The following PDE10A variants were observed in gnomAD, a reference collection of about 807,000 sequenced individuals.
The protein encoded by PDE10A is cAMP and cAMP-inhibited cGMP 3',5'-cyclic phosphodiesterase 10A.
A neutral mutation model predicts 97.7 loss-of-function variants in PDE10A; 39 were observed. The ratio of observed to expected loss-of-function variants is 0.40; its 90% CI spans 0.31 to 0.52. The LOEUF is 0.52. Ranked by LOEUF, PDE10A falls within the 20% of genes least tolerant of loss-of-function variation. PDE10A has a pLI of 0.56. For synonymous variants in PDE10A, 371 were observed against 376.8 expected (o/e 0.98, Z 0.18); for missense variants, 731 against 1,047.8 (o/e 0.70, Z 4.17).
chr6:165,357,761 A>G (rs1253841201), intron 18 of PDE10A, among the ~76,000 whole-genome samples: 1 of 151,426 alleles, frequency 6.6e-6, no homozygotes, highest in Non-Finnish European at 1.5e-5. Context: ...TTCCTTAATT[A>G]GTCAGAATTG....
intron 1 of PDE10A, among the ~76,000 whole-genome samples, chr6:165,876,118 T>C (rs566575972): frequency 1.3e-5 from 2 of 152,366 alleles, no homozygotes; most frequent in East Asian, 1.9e-4. Flanking sequence ...ATGATGCGAC[T>C]GATCCATGCC....
At chr6:165,714,882 G>C (rs1044206453) in intron 1 of PDE10A, among the ~76,000 whole-genome samples, 18 of 152,184 alleles carry the variant, frequency 1.2e-4, no homozygotes, top group African/African-American at 4.1e-4. Flanking sequence ...AATGGTCTGA[G>C]GCTCCACCAC....
chr6:165,345,591 T>C lies in PDE10A; in HGVS notation c.2784-2089A>G, dbSNP rs528644790. On this transcript the variant is annotated intron_variant, in intron 18 of 21. Transcript: ENST00000539869. ...AATAACCAATTGTGAAAGGATCATG[T>C]TCATGCTAAGCCTACTCTTGGTTTG... Among the ~76,000 whole-genome samples, 20 of 152,314 alleles carry C rather than the reference T, an allele frequency of 1.3e-4. 1 individual carries two copies. The South Asian group carries it at 3.9e-3, about 30-fold the overall frequency.
chr6:165,403,553 T>C (rs946573720), intron 13 of PDE10A, among the ~76,000 whole-genome samples: 3 of 152,214 alleles, frequency 2.0e-5, no homozygotes, highest in Non-Finnish European at 4.4e-5. Flanking sequence ...TGTTCTACTA[T>C]TATAAATTGT....
intron 5 of PDE10A, 91 bp from the exon 6 acceptor site, chr6:165,435,468 T>C: frequency 9.3e-7 from 1 of 1,072,344 alleles, no homozygotes; most frequent in Non-Finnish European, 1.3e-6. Flanking sequence ...ATAATAAATC[T>C]GTGAGCCAAT....
chr6:165,938,674 C>T (rs1217548018), intron 1 of PDE10A, among the ~76,000 whole-genome samples: 1 of 152,002 alleles, frequency 6.6e-6, no homozygotes, highest in East Asian at 1.9e-4. Flanking sequence ...TTGTCAAGTG[C>T]TTACTCAAGA....
chr6:165,585,882 G>T (rs1168956840), intron 1 of PDE10A, among the ~76,000 whole-genome samples: 1 of 152,096 alleles, frequency 6.6e-6, no homozygotes, highest in Non-Finnish European at 1.5e-5. Flanking sequence ...GGCAGCAGTC[G>T]CATCCAACAT....
intron 2 of PDE10A, among the ~76,000 whole-genome samples, chr6:165,517,645 A>T (rs1243721299): frequency 6.6e-6 from 1 of 152,204 alleles, no homozygotes; most frequent in Non-Finnish European, 1.5e-5. Context: ...ACACTGCATG[A>T]TGTCATTCAC....
At chr6:165,603,893 T>C (rs541036582) in intron 1 of PDE10A, among the ~76,000 whole-genome samples, 65 of 152,310 alleles carry the variant, frequency 4.3e-4, no homozygotes, top group African/African-American at 1.6e-3. Context: ...CACCCTCAAT[T>C]TGCTGAAGCA....
At chr6:165,546,561 A>G (rs1203088930) in intron 1 of PDE10A, among the ~76,000 whole-genome samples, 1 of 152,128 alleles carries the variant, frequency 6.6e-6, no homozygotes, top group Non-Finnish European at 1.5e-5. Context: ...GTGCTAACCT[A>G]TAGAACTTTG....
At chr6:165,367,038 T>C (rs956795359) in intron 18 of PDE10A, among the ~76,000 whole-genome samples, 6 of 152,010 alleles carry the variant, frequency 3.9e-5, no homozygotes, top group East Asian at 1.9e-4. Flanking sequence ...ACAAAACTCA[T>C]AGAAAACCCA....
intron 1 of PDE10A, among the ~76,000 whole-genome samples, chr6:165,673,663 T>G (rs377462182): frequency 6.6e-6 from 1 of 152,290 alleles, no homozygotes; most frequent in Non-Finnish European, 1.5e-5. Context: ...ATGTTTTGTT[T>G]TGAAATTTTT....
At chr6:165,664,342 A>G (rs901971285), upstream of PDE10A, among the ~76,000 whole-genome samples, 1 of 151,444 alleles carries the variant, frequency 6.6e-6, no homozygotes, top group South Asian at 2.1e-4. Context: ...GCTTTCCCCG[A>G]CTCCCATCCA....
At chr6:165,965,116 A>G (rs1401348909) in intron 1 of PDE10A, among the ~76,000 whole-genome samples, 1 of 152,194 alleles carries the variant, frequency 6.6e-6, no homozygotes, top group Non-Finnish European at 1.5e-5. Context: ...CAATATAGAG[A>G]TTGTATTTTA....
chr6:165,568,669 T>G (rs1222145788), intron 1 of PDE10A, among the ~76,000 whole-genome samples: 1 of 152,186 alleles, frequency 6.6e-6, no homozygotes, highest in Non-Finnish European at 1.5e-5. Flanking sequence ...GCAAGAATAG[T>G]GATGCTGGCA....
chr6:165,918,103 A>G (rs1782657546), intron 1 of PDE10A, among the ~76,000 whole-genome samples: 1 of 152,174 alleles, frequency 6.6e-6, no homozygotes. Flanking sequence ...TCATTTAGAA[A>G]CTGTAGGATT....
chr6:165,784,289 C>A (rs1300134791), intron 1 of PDE10A, among the ~76,000 whole-genome samples: 1 of 151,954 alleles, frequency 6.6e-6, no homozygotes, highest in African/African-American at 2.4e-5. Context: ...GGACGTGTAG[C>A]ATCCACCCAC....
intron 1 of PDE10A, among the ~76,000 whole-genome samples, chr6:165,678,322 T>A (rs905553836): frequency 1.7e-4 from 26 of 151,376 alleles, no homozygotes; most frequent in Admixed American, 1.7e-3. Flanking sequence ...TGTGTGCATA[T>A]CTTTCCTTCT....
chr6:165,835,424 T>C (rs753391257), intron 1 of PDE10A, among the ~76,000 whole-genome samples: 63 of 152,322 alleles, frequency 4.1e-4, no homozygotes, highest in Non-Finnish European at 7.2e-4. Flanking sequence ...CTCAGGCCAC[T>C]GGCATCCAGG....
Sources: gnomAD v4.1 joint callset for allele counts (sites outside exome capture counted in the v4.1 genomes callset) on GRCh38, gnomAD v4.1.1 for gene constraint, MANE v1.5 for transcripts, NCBI Gene and HGNC (gene_info 2026-07-23, HGNC 2026-07-21) for gene names.